The following PIWIL1 variants were observed in gnomAD, a reference collection of about 807,000 sequenced individuals.
The protein encoded by PIWIL1 is piwi like RNA-mediated gene silencing 1, also known as piwi-like protein 1.
PIWIL1 carries 73 observed loss-of-function variants against 114.4 expected under a neutral mutation model. The observed-to-expected ratio is 0.64, with a 90% CI of 0.53 to 0.78. The LOEUF is 0.78. PIWIL1 is among the 30% of genes least tolerant of loss of function. PIWIL1 has a pLI of 0.00. For synonymous variants in PIWIL1, 375 were observed against 369.0 expected (o/e 1.02, Z -0.19); for missense variants, 723 against 1,063.1 (o/e 0.68, Z 4.45).
At chr12:130,392,656 AC>A in the PIWIL1 span, among the ~76,000 whole-genome samples, 3 of 121,064 alleles carry the variant, frequency 2.5e-5, 1 homozygote, top group Non-Finnish European at 5.3e-5. Flanking sequence ...TGTTGTGATG[AC>A]CCGGTCACCG....
At chr12:130,382,892 A>C in the PIWIL1 span, among the ~76,000 whole-genome samples, 1 of 152,252 alleles carries the variant, frequency 6.6e-6, no homozygotes, top group Non-Finnish European at 1.5e-5. Flanking sequence ...CAATTTTAGT[A>C]GTACAGTGTT....
chr12:130,390,008 A>G, the PIWIL1 span, among the ~76,000 whole-genome samples: 2 of 152,176 alleles, frequency 1.3e-5, no homozygotes, highest in African/African-American at 4.8e-5. Flanking sequence ...GCCAGGGTTA[A>G]TTTACCATGT....
chr12:130,378,728 CT>C, the PIWIL1 span, among the ~76,000 whole-genome samples: 2 of 152,178 alleles, frequency 1.3e-5, no homozygotes, highest in South Asian at 2.1e-4. Context: ...TGCTGAGCAT[CT>C]TTTTGTTTAC....
the PIWIL1 span, among the ~76,000 whole-genome samples, chr12:130,406,500 A>G: frequency 1.6e-3 from 251 of 152,354 alleles, no homozygotes; most frequent in African/African-American, 5.5e-3. Context: ...GATTATTACC[A>G]TGTTCTACTG....
chr12:130,340,662 G>A (rs1292134580), intron 1 of PIWIL1, among the ~76,000 whole-genome samples: 2 of 137,340 alleles, frequency 1.5e-5, no homozygotes, highest in Non-Finnish European at 3.1e-5. Flanking sequence ...GAGGGGGGTT[G>A]GTGGTGGTGG....
the PIWIL1 span, among the ~76,000 whole-genome samples, chr12:130,415,898 A>G: frequency 6.6e-6 from 1 of 152,228 alleles, no homozygotes; most frequent in Non-Finnish European, 1.5e-5. Flanking sequence ...TAGCATTTCT[A>G]TACACCAATA....
intron 3 of PIWIL1, among the ~76,000 whole-genome samples, chr12:130,344,471 T>C (rs1244737507): frequency 1.3e-5 from 2 of 152,230 alleles, no homozygotes; most frequent in East Asian, 3.8e-4. Context: ...ACTTCTGACA[T>C]GCCTGTGATG....
chr12:130,422,664 C>A, the PIWIL1 span: 1 of 789,942 alleles, frequency 1.3e-6, no homozygotes, highest in South Asian at 1.7e-5. The surrounding 1 kb of genome is among the most constrained non-coding windows in gnomAD (Gnocchi z 5.2). Context: ...TCTGTAAAGG[C>A]AACTAAACTT....
At chr12:130,414,289 G>A in the PIWIL1 span, 70 of 1,596,936 alleles carry the variant, frequency 4.4e-5, no homozygotes, top group East Asian at 6.7e-5. Flanking sequence ...GGAGAAAGGC[G>A]GTCTCGCCCG....
intron 18 of PIWIL1, among the ~76,000 whole-genome samples, chr12:130,364,949 A>G (rs2073613698): frequency 6.6e-6 from 1 of 152,212 alleles, no homozygotes; most frequent in Admixed American, 6.5e-5. Context: ...TACTAGGAGT[A>G]CACACTCCTG....
the PIWIL1 span, among the ~76,000 whole-genome samples, chr12:130,392,120 C>T: frequency 7.8e-6 from 1 of 128,104 alleles, no homozygotes; most frequent in Admixed American, 7.8e-5. Context: ...GTTGTGATGA[C>T]CCGGTCACCG....
At chr12:130,397,420 T>C in the PIWIL1 span, 2 of 398,964 alleles carry the variant, frequency 5.0e-6, no homozygotes, top group Non-Finnish European at 8.8e-6. Context: ...AGCCCCTTTT[T>C]CTTTTTCGAG....
chr12:130,379,968 A>G, the PIWIL1 span, among the ~76,000 whole-genome samples: 3 of 70,094 alleles, frequency 4.3e-5, no homozygotes, highest in Non-Finnish European at 7.7e-5. Context: ...CCTAATCCCA[A>G]TTCCCATCCA....
At chr12:130,394,814 TTATGTG>T in the PIWIL1 span, among the ~76,000 whole-genome samples, 34,297 of 152,090 alleles carry the variant, frequency 0.23, 4,203 homozygotes, top group South Asian at 0.28. Context: ...AGAAAAATGT[TTATGTG>T]CATGAGAAGT....
At chr12:130,357,358 A>C (rs1168476677) in intron 13 of PIWIL1, 123 bp from the exon 14 acceptor site, 1 of 729,710 alleles carries the variant, frequency 1.4e-6, no homozygotes, top group Non-Finnish European at 2.3e-6. Context: ...ATGAATGGCT[A>C]GTCTCGGTGT....
At chr12:130,392,059 C>T in the PIWIL1 span, among the ~76,000 whole-genome samples, 106 of 148,118 alleles carry the variant, frequency 7.2e-4, no homozygotes, top group Non-Finnish European at 1.2e-3. Context: ...GTTGTGATGA[C>T]CCGGTCACCG....
chr12:130,342,662 C>T lies in PIWIL1; in HGVS notation c.71C>T (p.Ser24Phe), dbSNP rs200414750. ...RGQETAQLVGSTASQQPGYIQ... is the reference protein window; with the variant it reads ...RGQETAQLVGFTASQQPGYIQ... ...CAGGAGACAGCGCAGCTGGTGGGCT[C>T]CACTGCCGTGAGTGCTTCACCGTTT... The change falls in exon 2 of 21, where the codon TCC becomes TTC. Residue 24 changes from serine (S) to phenylalanine (F), a missense_variant. By Grantham distance (155) the Ser-to-Phe change is radical (BLOSUM62 -2). Transcript: ENST00000245255. The T allele has an allele frequency of 3.1e-6, 5 of 1,611,968 alleles. No homozygotes were observed. Among genetic ancestry groups the T allele is most frequent in the Admixed American group, 1.7e-5 (1 of 60,008 alleles).
At chr12:130,348,267 T>G in intron 7 of PIWIL1, 84 bp downstream of exon 7, 1 of 738,002 alleles carries the variant, frequency 1.4e-6, no homozygotes. Context: ...ATGGTCAAAT[T>G]TACTACAGTG....
At chr12:130,411,233 A>G in the PIWIL1 span, among the ~76,000 whole-genome samples, 7 of 152,194 alleles carry the variant, frequency 4.6e-5, no homozygotes, top group African/African-American at 1.7e-4. Flanking sequence ...TGTTAGTTCT[A>G]GGAACTTTTT....
Sources: gnomAD v4.1 joint callset for allele counts (sites outside exome capture counted in the v4.1 genomes callset) on GRCh38, gnomAD v4.1.1 for gene constraint, Gnocchi (gnomAD v3.1) non-coding constraint, MANE v1.5 for transcripts, NCBI Gene and HGNC (gene_info 2026-07-23, HGNC 2026-07-21) for gene names.